Variants in GARIN1B observed in about 807,000 individuals in gnomAD.
GARIN1B encodes Golgi-associated RAB2 interactor protein 1B.
At chr7:128,717,742 C>T in the GARIN1B span, among the ~76,000 whole-genome samples, 1 of 138,014 alleles carries the variant, frequency 7.2e-6, no homozygotes, top group African/African-American at 2.7e-5. Context: ...CCACTGTGCC[C>T]GGCCAGGTTT....
chr7:128,718,288 C>T, the GARIN1B span, among the ~76,000 whole-genome samples: 2 of 151,970 alleles, frequency 1.3e-5, no homozygotes, highest in African/African-American at 2.4e-5. Flanking sequence ...AAAAATTAGA[C>T]GGGCCTGGTG....
chr7:128,731,478 A>C, the GARIN1B span: 23 of 356,802 alleles, frequency 6.4e-5, no homozygotes, highest in African/African-American at 4.7e-4. Context: ...GAGAGACACA[A>C]AGAGAAGTGG....
the GARIN1B span, chr7:128,714,110 G>A: frequency 2.0e-6 from 3 of 1,535,924 alleles, no homozygotes; most frequent in Non-Finnish European, 2.6e-6. Context: ...ATGACCAGAG[G>A]GAAGGACTGA....
At chr7:128,713,811 A>G in the GARIN1B span, 4 of 478,784 alleles carry the variant, frequency 8.4e-6, no homozygotes, top group African/African-American at 8.0e-5. Flanking sequence ...AGTATACTCA[A>G]ATTGTATATC....
At chr7:128,713,645 A>T in the GARIN1B span, among the ~76,000 whole-genome samples, 1 of 152,168 alleles carries the variant, frequency 6.6e-6, no homozygotes, top group African/African-American at 2.4e-5. Flanking sequence ...TCTTGTTTAG[A>T]GCTAAAAAAT....
At chr7:128,727,449 G>A in the GARIN1B span, among the ~76,000 whole-genome samples, 1 of 152,326 alleles carries the variant, frequency 6.6e-6, no homozygotes, top group Non-Finnish European at 1.5e-5. Flanking sequence ...AATGAGTGCA[G>A]GTGAGCTGGC....
the GARIN1B span, among the ~76,000 whole-genome samples, chr7:128,730,924 A>C: frequency 6.6e-6 from 1 of 152,290 alleles, no homozygotes; most frequent in South Asian, 2.1e-4. Flanking sequence ...GGCCTCCCAC[A>C]AAGTGCTAGG....
At chr7:128,716,187 T>C in the GARIN1B span, among the ~76,000 whole-genome samples, 3 of 152,090 alleles carry the variant, frequency 2.0e-5, no homozygotes, top group Non-Finnish European at 4.4e-5. Context: ...GACCTGAGGA[T>C]GAAATGCAAA....
At chr7:128,720,124 T>C in the GARIN1B span, among the ~76,000 whole-genome samples, 2 of 152,194 alleles carry the variant, frequency 1.3e-5, no homozygotes, top group African/African-American at 2.4e-5. Context: ...ATGAATTGCC[T>C]TTCATTTTCT....
At chr7:128,730,301 C>G in the GARIN1B span, among the ~76,000 whole-genome samples, 2 of 152,278 alleles carry the variant, frequency 1.3e-5, no homozygotes, top group East Asian at 3.9e-4. Context: ...GACGCTATAG[C>G]TGCTTTCTCT....
chr7:128,724,334 A>G, the GARIN1B span, among the ~76,000 whole-genome samples: 2 of 152,194 alleles, frequency 1.3e-5, no homozygotes, highest in African/African-American at 2.4e-5. Flanking sequence ...TTTCTAATCC[A>G]GTTTCTAGTC....
At chr7:128,713,896 C>A in the GARIN1B span, 8 of 1,146,844 alleles carry the variant, frequency 7.0e-6, no homozygotes, top group Non-Finnish European at 9.9e-6. Flanking sequence ...AATTACTACG[C>A]TTTTGTGCTG....
At chr7:128,726,588 G>A in the GARIN1B span, among the ~76,000 whole-genome samples, 1 of 151,862 alleles carries the variant, frequency 6.6e-6, no homozygotes, top group African/African-American at 2.4e-5. Context: ...AGCAAAATCA[G>A]CAGCATGGGC....
chr7:128,712,634 A>T, the GARIN1B span, among the ~76,000 whole-genome samples: 1 of 152,236 alleles, frequency 6.6e-6, no homozygotes, highest in Non-Finnish European at 1.5e-5. Context: ...AAGTGGCTTT[A>T]GCCTCAAACC....
chr7:128,724,451 C>T, the GARIN1B span, among the ~76,000 whole-genome samples: 1 of 152,154 alleles, frequency 6.6e-6, no homozygotes, highest in Admixed American at 6.5e-5. Flanking sequence ...CTTCTGTGAT[C>T]GTTTTCTTAA....
At chr7:128,723,737 C>T in the GARIN1B span, among the ~76,000 whole-genome samples, 1 of 151,888 alleles carries the variant, frequency 6.6e-6, no homozygotes, top group Non-Finnish European at 1.5e-5. Flanking sequence ...GTCTGGAACT[C>T]CTGACCTCAG....
At chr7:128,729,326 T>C in the GARIN1B span, among the ~76,000 whole-genome samples, 1 of 152,210 alleles carries the variant, frequency 6.6e-6, no homozygotes, top group African/African-American at 2.4e-5. Flanking sequence ...GTATGGCCTA[T>C]TATTGCAGTG....
chr7:128,714,579 C>A, the GARIN1B span, among the ~76,000 whole-genome samples: 1 of 148,474 alleles, frequency 6.7e-6, no homozygotes. Context: ...GACTCCATCT[C>A]AAAAAAAAAA....
chr7:128,716,575 T>C, the GARIN1B span, among the ~76,000 whole-genome samples: 1 of 152,144 alleles, frequency 6.6e-6, no homozygotes, highest in African/African-American at 2.4e-5. Flanking sequence ...CCAGGGAACA[T>C]TTGACGATGT....
Sources: allele counts gnomAD v4.1 joint callset (sites outside exome capture counted in the v4.1 genomes callset), GRCh38; gene constraint gnomAD v4.1.1; transcripts MANE v1.5; gene names NCBI Gene and HGNC (gene_info 2026-07-23, HGNC 2026-07-21).